AGBL1: variants seen among roughly 807,000 people sequenced by gnomAD.
The protein encoded by AGBL1 is cytosolic carboxypeptidase 4.
A neutral mutation model predicts 118.9 loss-of-function variants in AGBL1; 130 were observed. That is an observed-to-expected ratio of 1.09 (90% CI 0.95 to 1.26). The LOEUF (loss-of-function observed/expected upper bound fraction) is 1.26. Ranked by LOEUF, AGBL1 falls within the 50% of genes most tolerant of loss-of-function variation. AGBL1 has a pLI of 0.00. For synonymous variants in AGBL1, 555 were observed against 478.9 expected (o/e 1.16, Z -2.08); for missense variants, 1,584 against 1,298.1 (o/e 1.22, Z -3.38).
chr15:86,140,963 G>A (rs999666226), intron 1 of AGBL1, among the ~76,000 whole-genome samples: 7 of 152,198 alleles, frequency 4.6e-5, no homozygotes, highest in Non-Finnish European at 1.0e-4. Context: ...ATATGTGATG[G>A]GGAATTATTG....
intron 1 of AGBL1, among the ~76,000 whole-genome samples, chr15:86,108,074 T>G (rs992436604): frequency 6.6e-6 from 1 of 152,230 alleles, no homozygotes; most frequent in Non-Finnish European, 1.5e-5. Flanking sequence ...CTTACAACCC[T>G]ATTTTACATA....
intron 23 of AGBL1, among the ~76,000 whole-genome samples, chr15:86,978,407 C>T (rs965664502): frequency 5.3e-5 from 8 of 152,058 alleles, no homozygotes; most frequent in African/African-American, 1.7e-4. Context: ...GGAGGCAGAC[C>T]AAATTTAGCA....
At chr15:87,028,742 G>A in intron 24 of AGBL1, 1 of 1,317,726 alleles carries the variant, frequency 7.6e-7, no homozygotes, top group South Asian at 1.2e-5. Flanking sequence ...TCTCTAAAAG[G>A]TCAATTTGCC....
chr15:86,671,799 C>G (rs1272179329), intron 21 of AGBL1, among the ~76,000 whole-genome samples: 1 of 152,186 alleles, frequency 6.6e-6, no homozygotes, highest in Non-Finnish European at 1.5e-5. Flanking sequence ...ATCCATGCCT[C>G]TCCACGTCCA....
intron 1 of AGBL1, among the ~76,000 whole-genome samples, chr15:86,102,187 C>T (rs139616110): frequency 3.4e-4 from 51 of 152,070 alleles, no homozygotes; most frequent in African/African-American, 1.2e-3. Flanking sequence ...ACTACAGAAA[C>T]GCACCAGCAT....
At chr15:86,786,200 C>G (rs2078410463) in intron 22 of AGBL1, among the ~76,000 whole-genome samples, 1 of 152,208 alleles carries the variant, frequency 6.6e-6, no homozygotes, top group Middle Eastern at 3.4e-3. Flanking sequence ...TGGTGTGCTG[C>G]ACCCATTAAC....
At chr15:86,478,116 G>A (rs2082590123) in intron 18 of AGBL1, among the ~76,000 whole-genome samples, 1 of 152,090 alleles carries the variant, frequency 6.6e-6, no homozygotes, top group African/African-American at 2.4e-5. Context: ...CAAACCCACA[G>A]CCAATATCAT....
chr15:87,029,596 G>C (rs933996857), downstream of AGBL1, among the ~76,000 whole-genome samples: 1 of 151,864 alleles, frequency 6.6e-6, no homozygotes, highest in African/African-American at 2.4e-5. Flanking sequence ...AACCCTATGA[G>C]ATGACTATAG....
intron 21 of AGBL1, among the ~76,000 whole-genome samples, chr15:86,608,792 C>T (rs2084619080): frequency 2.0e-5 from 3 of 152,160 alleles, no homozygotes; most frequent in Admixed American, 2.0e-4. Context: ...AGCTGGAAAT[C>T]TGAATTTAAT....
chr15:86,889,642 T>C (rs985360841), intron 22 of AGBL1, among the ~76,000 whole-genome samples: 3 of 152,048 alleles, frequency 2.0e-5, no homozygotes, highest in African/African-American at 7.2e-5. Context: ...TGAGAACATG[T>C]GGTGTTTGGT....
intron 3 of AGBL1, among the ~76,000 whole-genome samples, chr15:86,149,636 T>C (rs1201181090): frequency 1.3e-5 from 2 of 152,108 alleles, no homozygotes; most frequent in Non-Finnish European, 2.9e-5. Flanking sequence ...AGCAAGTCCT[T>C]AGAGACCTAC....
chr15:86,409,884 T>C (rs191761788), intron 18 of AGBL1, among the ~76,000 whole-genome samples: 50 of 152,016 alleles, frequency 3.3e-4, no homozygotes, highest in African/African-American at 1.0e-3. Flanking sequence ...CTGATCCTCC[T>C]ATAGGAGGAA....
intron 22 of AGBL1, among the ~76,000 whole-genome samples, chr15:86,799,813 G>A (rs1268688208): frequency 6.6e-6 from 1 of 152,100 alleles, no homozygotes; most frequent in African/African-American, 2.4e-5. Flanking sequence ...GTAATGAAAT[G>A]GTTCTGCAAG....
In AGBL1 at chr15:86,743,874, G is replaced by A. The variant is rs577217051; in HGVS notation, c.3158+69438G>A. Among the ~76,000 whole-genome samples, 7 of 151,650 alleles carry A rather than the reference G, an allele frequency of 4.6e-5. No individual in the cohort carries two copies. In the East Asian group the frequency reaches 7.8e-4, roughly 17 times the overall value. On this transcript the variant is annotated intron_variant, in intron 22 of 22. Transcript: ENST00000614907. Reference sequence around the variant, plus strand: ...ATCTGATCACACACCCCCATCCCCCGCAACACACACACGTCTACACACAAT... The same window carrying A: ...ATCTGATCACACACCCCCATCCCCCACAACACACACACGTCTACACACAAT...
At chr15:86,112,676 A>G (rs1897468090) in intron 1 of AGBL1, among the ~76,000 whole-genome samples, 1 of 152,228 alleles carries the variant, frequency 6.6e-6, no homozygotes, top group Admixed American at 6.5e-5. Context: ...TAAATCGCCA[A>G]TCCAGGAAAG....
chr15:86,959,229 G>A (rs1166693201), intron 23 of AGBL1, among the ~76,000 whole-genome samples: 2 of 152,068 alleles, frequency 1.3e-5, no homozygotes, highest in African/African-American at 2.4e-5. Context: ...ATATGTGGAA[G>A]TGTGTTCATA....
intron 1 of AGBL1, among the ~76,000 whole-genome samples, chr15:86,098,939 A>G (rs1028370632): frequency 4.6e-5 from 7 of 152,174 alleles, no homozygotes; most frequent in African/African-American, 1.2e-4. Context: ...CTTCTGATCC[A>G]TGAGCATTGG....
At chr15:86,819,877 C>A (rs150832236) in intron 22 of AGBL1, among the ~76,000 whole-genome samples, 4,785 of 151,716 alleles carry the variant, frequency 0.032, 111 homozygotes, top group Non-Finnish European at 0.047. Flanking sequence ...CATCACGCTA[C>A]CTGACTTCAA....
intron 1 of AGBL1, among the ~76,000 whole-genome samples, chr15:86,124,872 G>A (rs1898321698): frequency 6.6e-6 from 1 of 152,158 alleles, no homozygotes; most frequent in African/African-American, 2.4e-5. Flanking sequence ...TAATGGCAGG[G>A]CACAATTATA....
Sources: gnomAD v4.1 joint callset for allele counts (sites outside exome capture counted in the v4.1 genomes callset) on GRCh38, gnomAD v4.1.1 for gene constraint, MANE v1.5 for transcripts, NCBI Gene and HGNC (gene_info 2026-07-23, HGNC 2026-07-21) for gene names.